The following PI4KA variants were observed in gnomAD, a reference collection of about 807,000 sequenced individuals.
PI4KA encodes the protein PI4-kinase alpha.
In PI4KA, 122 loss-of-function variants were observed where a neutral mutation model predicts 271.4. That is an observed-to-expected ratio of 0.45 (90% CI 0.39 to 0.52). PI4KA has a LOEUF of 0.52. Ranked by LOEUF, PI4KA falls within the 20% of genes least tolerant of loss-of-function variation. The pLI is 0.00. For synonymous variants in PI4KA, 1,041 were observed against 1,078.8 expected (o/e 0.96, Z 0.69); for missense variants, 1,969 against 2,769.1 (o/e 0.71, Z 6.48).
At chr22:20,815,880 G>C (rs1921738003) in intron 7 of PI4KA, among the ~76,000 whole-genome samples, 1 of 152,118 alleles carries the variant, frequency 6.6e-6, no homozygotes, top group Non-Finnish European at 1.5e-5. Context: ...AAACGACAGG[G>C]GCTGCAGGAA....
At chr22:20,781,291 T>C (rs140714715) in intron 19 of PI4KA, among the ~76,000 whole-genome samples, 1,584 of 152,286 alleles carry the variant, frequency 0.01, 9 homozygotes, top group Non-Finnish European at 0.015. Context: ...CTCTCTAAGC[T>C]GAGAGTGTGG....
In PI4KA at chr22:20,729,598, G is replaced by A. The variant is rs369632944; in HGVS notation, c.4488+34C>T. Reference sequence around the variant, plus strand: ...ACCAGGTGTCGTACAGGCAGGTGGCGGGCAGCAGGCACAGCTGCACCTGTG... The same window carrying A: ...ACCAGGTGTCGTACAGGCAGGTGGCAGGCAGCAGGCACAGCTGCACCTGTG... On this transcript the variant is annotated intron_variant, in intron 38 of 54. Coordinates refer to ENST00000255882, the MANE Select transcript of PI4KA (RefSeq NM_058004.4). 944 of 1,554,330 alleles carry A rather than the reference G, an allele frequency of 6.1e-4. 8 individuals carry two copies. The South Asian group carries it at 9.7e-3, about 16-fold the overall frequency.
In PI4KA at chr22:20,755,476, T is replaced by C. The variant is rs569418977; in HGVS notation, c.2792-2296A>G. Among the ~76,000 whole-genome samples the C allele has an allele frequency of 2.6e-5, 4 of 152,252 alleles. No homozygotes were observed. In the South Asian group the frequency reaches 8.3e-4, roughly 32 times the overall value. ...AAGATCTGAGCACCGGATATGCTCA[T>C]TGTTACAGAGGTGCCAAGTAGGCTG... On this transcript the variant is annotated intron_variant, in intron 23 of 54. Transcript: ENST00000255882.
chr22:20,719,707 G>A (rs1447215553), intron 43 of PI4KA, among the ~76,000 whole-genome samples: 1 of 152,112 alleles, frequency 6.6e-6, no homozygotes, highest in African/African-American at 2.4e-5. Context: ...TGGATCTGCT[G>A]CTGTGAGCTC....
At chr22:20,766,217 C>T (rs1932510777) in intron 19 of PI4KA, among the ~76,000 whole-genome samples, 2 of 151,854 alleles carry the variant, frequency 1.3e-5, no homozygotes, top group Admixed American at 6.6e-5. Context: ...ATGGGCCAGG[C>T]AGCACAAATT....
At chr22:20,820,162 A>G (rs968026532) in intron 5 of PI4KA, among the ~76,000 whole-genome samples, 3 of 152,206 alleles carry the variant, frequency 2.0e-5, no homozygotes, top group Non-Finnish European at 4.4e-5. Flanking sequence ...GGCACACCCA[A>G]ATCAATAAAA....
At chr22:20,755,059 G>C (rs1300794409) in intron 23 of PI4KA, among the ~76,000 whole-genome samples, 1 of 152,150 alleles carries the variant, frequency 6.6e-6, no homozygotes, top group Non-Finnish European at 1.5e-5. Flanking sequence ...AAAATGCTAG[G>C]ATTACAGGCA....
At chr22:20,826,013 A>AT in intron 3 of PI4KA, among the ~76,000 whole-genome samples, 1 of 152,198 alleles carries the variant, frequency 6.6e-6, no homozygotes, top group Non-Finnish European at 1.5e-5. Context: ...TAATTCTCCC[A>AT]TAACGGTCTC....
chr22:20,715,555 AC>A (rs1398576664), intron 45 of PI4KA, among the ~76,000 whole-genome samples: 2 of 151,048 alleles, frequency 1.3e-5, no homozygotes, highest in Non-Finnish European at 3.0e-5. Context: ...GCTCACTGCA[AC>A]CTACGCCTCC....
chr22:20,709,704 G>A (rs1924999128), intron 53 of PI4KA, among the ~76,000 whole-genome samples: 1 of 116,732 alleles, frequency 8.6e-6, no homozygotes, highest in Non-Finnish European at 1.8e-5. Context: ...CCCTGGGTGG[G>A]TCTCTGGTGT....
chr22:20,791,533 G>A (rs1934646157), intron 19 of PI4KA, among the ~76,000 whole-genome samples: 1 of 152,196 alleles, frequency 6.6e-6, no homozygotes, highest in African/African-American at 2.4e-5. Flanking sequence ...AAGTGGGGCA[G>A]ATCACTTGAG....
chr22:20,790,353 C>T (rs1272211301), intron 19 of PI4KA, among the ~76,000 whole-genome samples: 3 of 152,110 alleles, frequency 2.0e-5, no homozygotes, highest in African/African-American at 7.2e-5. Flanking sequence ...TAGAGTATAT[C>T]TTTCTTTTAA....
At chr22:20,833,904 C>T (rs975656730) in intron 3 of PI4KA, among the ~76,000 whole-genome samples, 1 of 151,800 alleles carries the variant, frequency 6.6e-6, no homozygotes, top group Non-Finnish European at 1.5e-5. Flanking sequence ...GTGATACACC[C>T]GCCTCGGCCT....
Position 20,755,941 on chromosome 22 carries a change from T to A in PI4KA, c.2792-2761A>T, listed in dbSNP as rs569461723. Among the ~76,000 whole-genome samples the A allele has an allele frequency of 3.3e-5, 5 of 152,206 alleles. No individual in the cohort carries two copies. In the East Asian group the frequency reaches 7.7e-4, roughly 23 times the overall value. On this transcript the variant is annotated intron_variant, in intron 23 of 54. Coordinates refer to ENST00000255882, the MANE Select transcript of PI4KA (RefSeq NM_058004.4). ...CTCTATCCAGTGTTTTTAATTTGCA[T>A]GACTACATGCTGGGTCTGCCCTCTG...
Position 20,710,907 on chromosome 22 carries a change from G to T in PI4KA, c.5924-49C>A, listed in dbSNP as rs1265202667. ...TGTGACTGGGTAGGAGCCAGGGCGG[G>T]CAAGGACAAGTGGTCTGTTTTGAGG... On this transcript the variant is annotated intron_variant, in intron 51 of 54. Coordinates refer to ENST00000255882, the MANE Select transcript of PI4KA (RefSeq NM_058004.4). 1.9e-6 allele frequency: 3 copies of T among 1,603,618 alleles called. No individual in the cohort carries two copies. The Admixed American group carries it at 5.0e-5, about 27-fold the overall frequency.
At chr22:20,777,374 G>A (rs758211432) in intron 19 of PI4KA, among the ~76,000 whole-genome samples, 14 of 151,874 alleles carry the variant, frequency 9.2e-5, no homozygotes, top group Non-Finnish European at 1.8e-4. Context: ...GCGCCACCAC[G>A]CCGGCTAATT....
At position 20,742,681 on chromosome 22, in the gene PI4KA, A is replaced by G. The variant is rs757413354; in HGVS notation, c.3540T>C (p.Ala1180=). The G allele has an allele frequency of 3.1e-6, 5 of 1,614,166 alleles. No individual in the cohort carries two copies. Among genetic ancestry groups the G allele is most frequent in the African/African-American group, 2.7e-5 (2 of 75,030 alleles). The part of the protein sequence containing the change: ...NKMMVQDLHS[A]LDRSHPQHYT... ...AGTGCTGAGGATGACTGCGGTCTAA[A>G]GCTGAATGTAGATCCTGGACCATCA... Residue 1180 remains alanine (A), a synonymous_variant, in exon 31 of 55, where the codon GCT becomes GCC. Coordinates refer to ENST00000255882, the MANE Select transcript of PI4KA (RefSeq NM_058004.4).
intron 23 of PI4KA, among the ~76,000 whole-genome samples, chr22:20,753,782 G>A (rs1026496630): frequency 1.3e-5 from 2 of 152,026 alleles, no homozygotes; most frequent in Non-Finnish European, 2.9e-5. Flanking sequence ...CGCCTCCTGG[G>A]TTCACGCCAT....
chr22:20,816,779 C>A (rs181456617), intron 7 of PI4KA, among the ~76,000 whole-genome samples: 2 of 152,332 alleles, frequency 1.3e-5, no homozygotes, highest in Admixed American at 1.3e-4. Flanking sequence ...GGGCGGCAGC[C>A]AAGTCTGATG....
Sources: allele counts gnomAD v4.1 joint callset (sites outside exome capture counted in the v4.1 genomes callset), GRCh38; gene constraint gnomAD v4.1.1; transcripts MANE v1.5; gene names NCBI Gene and HGNC (gene_info 2026-07-23, HGNC 2026-07-21).